ADAM12: variants seen among roughly 807,000 people sequenced by gnomAD.
The protein encoded by ADAM12 is disintegrin and metalloproteinase domain-containing protein 12.
A neutral mutation model predicts 106.4 loss-of-function variants in ADAM12; 70 were observed. That is an observed-to-expected ratio of 0.66 (90% CI 0.54 to 0.80). The LOEUF (loss-of-function observed/expected upper bound fraction) is 0.80, where lower values mean the gene tolerates loss of function less well. Ranked by LOEUF, ADAM12 falls within the 30% of genes least tolerant of loss-of-function variation. The pLI is 0.00. For missense variants in ADAM12, 1,010 were observed against 1,171.9 expected (o/e 0.86, Z 2.02); for synonymous variants, 420 against 433.5 (o/e 0.97, Z 0.39).
intron 14 of ADAM12, among the ~76,000 whole-genome samples, chr10:126,050,933 T>C (rs955804046): frequency 2.0e-5 from 3 of 152,240 alleles, no homozygotes; most frequent in African/African-American, 7.2e-5. Flanking sequence ...TAGCCCAGAC[T>C]GGACACAATT....
intron 3 of ADAM12, among the ~76,000 whole-genome samples, chr10:126,208,956 G>A (rs1365468775): frequency 3.3e-5 from 5 of 150,666 alleles, no homozygotes; most frequent in South Asian, 4.2e-4. Context: ...ACTTCTTATC[G>A]TAAGAATGTT....
chr10:126,036,797 C>T (rs376295742), intron 20 of ADAM12, among the ~76,000 whole-genome samples: 16 of 152,144 alleles, frequency 1.1e-4, no homozygotes, highest in African/African-American at 3.1e-4. Context: ...AGACGTTCTC[C>T]CATATGGTAA....
intron 5 of ADAM12, among the ~76,000 whole-genome samples, chr10:126,120,986 C>T (rs12764562): frequency 0.018 from 547 of 30,878 alleles, no homozygotes; most frequent in African/African-American, 0.034. Flanking sequence ...TGCAATATAG[C>T]ATATATTATA....
At chr10:126,184,314 T>A (rs1284665618) in intron 3 of ADAM12, among the ~76,000 whole-genome samples, 1 of 152,192 alleles carries the variant, frequency 6.6e-6, no homozygotes, top group African/African-American at 2.4e-5. Context: ...TATGAGCAAA[T>A]TAACCTCTCA....
At chr10:126,248,026 T>C (rs1340518964) in intron 3 of ADAM12, among the ~76,000 whole-genome samples, 10 of 152,260 alleles carry the variant, frequency 6.6e-5, no homozygotes, top group Non-Finnish European at 4.4e-5. Flanking sequence ...CTGGAGAAGG[T>C]ATCAGATGTG....
At chr10:126,070,926 C>G (rs1351447001) in intron 12 of ADAM12, among the ~76,000 whole-genome samples, 1 of 152,154 alleles carries the variant, frequency 6.6e-6, no homozygotes, top group Non-Finnish European at 1.5e-5. Flanking sequence ...CAGGGTTAAG[C>G]CCTGTGCTAG....
chr10:126,314,238 C>T (rs767274357), intron 2 of ADAM12, among the ~76,000 whole-genome samples: 2 of 152,106 alleles, frequency 1.3e-5, no homozygotes, highest in East Asian at 1.9e-4. Context: ...GGGACATGGA[C>T]GCAAGTCCCA....
intron 14 of ADAM12, among the ~76,000 whole-genome samples, chr10:126,060,818 C>CT (rs1954739665): frequency 6.6e-6 from 1 of 152,216 alleles, no homozygotes; most frequent in African/African-American, 2.4e-5. Context: ...TGCACAGGGA[C>CT]TGTGGGAAGT....
chr10:126,048,074 T>C lies in ADAM12; in HGVS notation c.1917+1179A>G, dbSNP rs546272692. The stretch of plus-strand genomic sequence containing the variant: ...ACCAACTACCACATGTTCTCACTTA[T>C]AAGTAGGAGCTAAATGATGAGAACA... On this transcript the variant is annotated intron_variant, in intron 16 of 22. Coordinates refer to ENST00000448723, the MANE Select transcript of ADAM12 (RefSeq NM_001288973.2). Among the ~76,000 whole-genome samples, 16 of 152,288 alleles carry C rather than the reference T, an allele frequency of 1.1e-4. No individual in the cohort carries two copies. In the East Asian group the frequency reaches 1.5e-3, roughly 15 times the overall value.
intron 3 of ADAM12, among the ~76,000 whole-genome samples, chr10:126,207,294 G>A (rs1957816086): frequency 6.6e-6 from 1 of 152,202 alleles, no homozygotes; most frequent in African/African-American, 2.4e-5. Flanking sequence ...TTGGCAGAAT[G>A]CAATGGCTCC....
chr10:126,293,711 G>A (rs1247440874), intron 2 of ADAM12, among the ~76,000 whole-genome samples: 1 of 152,088 alleles, frequency 6.6e-6, no homozygotes, highest in Non-Finnish European at 1.5e-5. Context: ...AGTACAGACA[G>A]GGTTGCACCA....
At chr10:126,098,529 A>T in intron 9 of ADAM12, 29 bp from the exon 10 acceptor site, 1 of 1,569,912 alleles carries the variant, frequency 6.4e-7, no homozygotes, top group Non-Finnish European at 8.8e-7. Context: ...GACTTTCTTT[A>T]ATCAAATTAG....
intron 2 of ADAM12, among the ~76,000 whole-genome samples, chr10:126,288,520 A>C (rs540076064): frequency 6.6e-6 from 1 of 152,318 alleles, no homozygotes; most frequent in African/African-American, 2.4e-5. Context: ...TCAATGCAAA[A>C]TACAAGGTAA....
At chr10:126,337,626 A>G (rs568687790) in intron 1 of ADAM12, among the ~76,000 whole-genome samples, 50 of 152,292 alleles carry the variant, frequency 3.3e-4, no homozygotes, top group African/African-American at 1.1e-3. Context: ...TCAAATGCCA[A>G]TCTCCTCTGG....
At chr10:126,190,210 C>CT (rs1247675750) in intron 3 of ADAM12, among the ~76,000 whole-genome samples, 49 of 140,486 alleles carry the variant, frequency 3.5e-4, no homozygotes, top group Non-Finnish European at 5.6e-4. Context: ...TTTTTTTTTT[C>CT]TTTTTTTTTT....
chr10:126,113,690 ATATATATATATATATATATATATATATAT>A (rs1955922414), intron 6 of ADAM12, among the ~76,000 whole-genome samples: 4 of 13,894 alleles, frequency 2.9e-4, no homozygotes, highest in East Asian at 7.6e-3. Flanking sequence ...AAAAAAAAAT[ATATATATATATATATATATATATATATAT>A]ATATATATAT....
At chr10:126,171,466 G>A (rs1957119476) in intron 3 of ADAM12, among the ~76,000 whole-genome samples, 1 of 152,198 alleles carries the variant, frequency 6.6e-6, no homozygotes. Context: ...TTCATTTGCT[G>A]TCCAGGCATT....
chr10:126,386,428 T>C (rs1466977930), intron 1 of ADAM12, among the ~76,000 whole-genome samples: 1 of 152,184 alleles, frequency 6.6e-6, no homozygotes, highest in Non-Finnish European at 1.5e-5. Context: ...TTTGGGGCAC[T>C]GATTGATTGA....
At chr10:126,044,593 G>A (rs949816839) in intron 17 of ADAM12, among the ~76,000 whole-genome samples, 2 of 152,178 alleles carry the variant, frequency 1.3e-5, no homozygotes, top group African/African-American at 2.4e-5. Context: ...AAATATGGCT[G>A]CCAGATATAC....
Sources: gnomAD v4.1 joint callset for allele counts (sites outside exome capture counted in the v4.1 genomes callset) on GRCh38, gnomAD v4.1.1 for gene constraint, MANE v1.5 for transcripts, NCBI Gene and HGNC (gene_info 2026-07-23, HGNC 2026-07-21) for gene names.